COG5: variants seen among roughly 807,000 people sequenced by gnomAD.
The protein encoded by COG5 is conserved oligomeric Golgi complex subunit 5.
A neutral mutation model predicts 110.4 loss-of-function variants in COG5; 86 were observed. The observed-to-expected ratio is 0.78, with a 90% CI of 0.65 to 0.93. The LOEUF (loss-of-function observed/expected upper bound fraction) is 0.93. Among genes scored for constraint, COG5 ranks in the 40% least tolerant of loss-of-function variants. The probability of loss-of-function intolerance (pLI) is 0.00; values close to 1 mark genes in which losing one functional copy is unlikely to be tolerated. For missense variants in COG5, 1,077 were observed against 987.0 expected (o/e 1.09, Z -1.22); for synonymous variants, 360 against 334.6 (o/e 1.08, Z -0.83).
intron 7 of COG5, among the ~76,000 whole-genome samples, chr7:107,388,389 A>G (rs1790359953): frequency 6.6e-6 from 1 of 152,224 alleles, no homozygotes; most frequent in Non-Finnish European, 1.5e-5. Flanking sequence ...AAAAAATTAA[A>G]ACTGATAATG....
chr7:107,470,167 G>C (rs900944572), intron 6 of COG5: 3 of 152,176 alleles, frequency 2.0e-5, no homozygotes, highest in Non-Finnish European at 4.4e-5. Context: ...CCTTCAGTAT[G>C]TTAAATTACT....
At chr7:107,453,668 T>C (rs1184747950) in intron 6 of COG5, among the ~76,000 whole-genome samples, 1 of 152,184 alleles carries the variant, frequency 6.6e-6, no homozygotes, top group African/African-American at 2.4e-5. Flanking sequence ...TTAACTTATC[T>C]GAAATATCTT....
At chr7:107,211,924 G>A (rs766466198) in intron 19 of COG5, among the ~76,000 whole-genome samples, 5 of 152,150 alleles carry the variant, frequency 3.3e-5, no homozygotes, top group Non-Finnish European at 5.9e-5. Context: ...GATTAGAAGC[G>A]GAGCTGTGGA....
At position 107,229,912 on chromosome 7, in the gene COG5, G is replaced by A. The variant is rs148928194; in HGVS notation, c.2168+703C>T. ...TGTCGCCAGGCTGGGGTGCACTGGCGTGATCTCGGCTCACTGCAACCTCTG... is the reference window on the plus strand; with the variant it reads ...TGTCGCCAGGCTGGGGTGCACTGGCATGATCTCGGCTCACTGCAACCTCTG... On this transcript the variant is annotated intron_variant, in intron 19 of 21. Coordinates refer to ENST00000297135, the MANE Select transcript of COG5 (RefSeq NM_006348.5). Among the ~76,000 whole-genome samples, 421 of 148,302 alleles carry A rather than the reference G, an allele frequency of 2.8e-3. 3 individuals are homozygous for A. The highest frequency in any genetic ancestry group is 9.9e-3 in the African/African-American group (397 of 40,112).
intron 6 of COG5, among the ~76,000 whole-genome samples, chr7:107,485,895 T>C (rs897796854): frequency 2.0e-5 from 3 of 152,042 alleles, no homozygotes; most frequent in Admixed American, 1.3e-4. Context: ...GGAAAAGCTG[T>C]AGAAAACAAA....
At chr7:107,556,020 A>G (rs926474625) in intron 2 of COG5, among the ~76,000 whole-genome samples, 6 of 151,748 alleles carry the variant, frequency 4.0e-5, no homozygotes, top group Non-Finnish European at 8.8e-5. Flanking sequence ...TCTCAAAGAA[A>G]AAAAAAAAAA....
At chr7:107,506,876 A>T (rs1054711624) in intron 6 of COG5, among the ~76,000 whole-genome samples, 2 of 152,210 alleles carry the variant, frequency 1.3e-5, no homozygotes, top group African/African-American at 2.4e-5. Context: ...CATGAAATTC[A>T]GTTGGGAGGT....
At chr7:107,368,988 A>C (rs987973653) in intron 8 of COG5, among the ~76,000 whole-genome samples, 2 of 152,186 alleles carry the variant, frequency 1.3e-5, no homozygotes, top group African/African-American at 4.8e-5. Context: ...TTTAAGAGAC[A>C]GAGTCTTGTT....
rs367726253 is a variant in COG5 at position 107,324,495 on chromosome 7, T to A, written c.1053A>T (p.Thr351=). 1 of 1,605,982 alleles carries A rather than the reference T, an allele frequency of 6.2e-7. No homozygotes were observed. The highest frequency in any genetic ancestry group is 8.5e-7 in the Non-Finnish European group (1 of 1,175,820). Residue 351 remains threonine, a synonymous_variant, in exon 11 of 22, where the codon ACA becomes ACT. Coordinates refer to ENST00000297135, the MANE Select transcript of COG5 (RefSeq NM_006348.5). ...VKDGQPEIFY[T]FWNSVTQALS... is the part of the protein sequence containing the mutation. ...GTGCCTGAGTAACTGAATTCCAAAA[T>A]GTGTAGAAAATTTCCGGTTGTCCAT...
At chr7:107,390,409 T>TG (rs1366717613) in intron 7 of COG5, among the ~76,000 whole-genome samples, 2 of 151,982 alleles carry the variant, frequency 1.3e-5, no homozygotes, top group Non-Finnish European at 2.9e-5. Flanking sequence ...TTGGAATATG[T>TG]GGGGGAGCAA....
intron 10 of COG5, among the ~76,000 whole-genome samples, chr7:107,343,010 G>A (rs1046287289): frequency 1.1e-4 from 16 of 152,164 alleles, no homozygotes; most frequent in Admixed American, 8.5e-4. Flanking sequence ...AATGTGGCAT[G>A]TAAACACCAT....
At chr7:107,210,425 C>CATGTCCAT in intron 21 of COG5, 101 bp downstream of exon 21, 1 of 1,522,052 alleles carries the variant, frequency 6.6e-7, no homozygotes, top group Non-Finnish European at 8.8e-7. Context: ...GGTGCAGTCA[C>CATGTCCAT]ATGTCCATGC....
At chr7:107,238,980 A>G (rs1461361054) in intron 17 of COG5, among the ~76,000 whole-genome samples, 1 of 152,184 alleles carries the variant, frequency 6.6e-6, no homozygotes, top group Non-Finnish European at 1.5e-5. Context: ...GAAGCTTTTT[A>G]GATAAATGTA....
At chr7:107,545,548 G>A (rs1364719877) in intron 5 of COG5, among the ~76,000 whole-genome samples, 1 of 152,132 alleles carries the variant, frequency 6.6e-6, no homozygotes, top group Admixed American at 6.5e-5. Flanking sequence ...GGGAGGCCAA[G>A]GCAGGCAGAT....
chr7:107,458,582 C>T (rs1041069249), intron 6 of COG5, among the ~76,000 whole-genome samples: 34 of 152,316 alleles, frequency 2.2e-4, no homozygotes, highest in Admixed American at 1.6e-3. Context: ...AAGCCAGGTG[C>T]AGTGGCTCAC....
intron 19 of COG5, among the ~76,000 whole-genome samples, chr7:107,229,218 A>T (rs1288114609): frequency 6.6e-6 from 1 of 152,174 alleles, no homozygotes; most frequent in Non-Finnish European, 1.5e-5. Flanking sequence ...TGGGAGGCCG[A>T]GGCAGGCAGA....
In COG5 at chr7:107,210,493, C is replaced by A. The variant is rs73415411; in HGVS notation, c.2375+33G>T. The A allele has an allele frequency of 6.7e-3, 10,596 of 1,571,898 alleles. 519 individuals are homozygous for A. The African/African-American group carries it at 0.12, about 17-fold the overall frequency. On this transcript the variant is annotated intron_variant, in intron 21 of 21. Coordinates refer to ENST00000297135, the MANE Select transcript of COG5 (RefSeq NM_006348.5). ...TCCCCACCCTCCTTGGGCTTCCAGA[C>A]CAGATGGGTGCCCCCAGAGCACCTG...
intron 7 of COG5, among the ~76,000 whole-genome samples, chr7:107,383,383 G>A (rs1366549273): frequency 2.6e-5 from 4 of 152,154 alleles, no homozygotes; most frequent in Non-Finnish European, 2.9e-5. Flanking sequence ...GCAGGTGAGC[G>A]TGGCTCATTC....
chr7:107,371,296 A>G (rs895277248), intron 8 of COG5, among the ~76,000 whole-genome samples: 3 of 152,164 alleles, frequency 2.0e-5, no homozygotes, highest in Non-Finnish European at 4.4e-5. Flanking sequence ...TATAGCAAAT[A>G]TAAAAATAAT....
Sources: allele counts gnomAD v4.1 joint callset (sites outside exome capture counted in the v4.1 genomes callset), GRCh38; gene constraint gnomAD v4.1.1; transcripts MANE v1.5; gene names NCBI Gene and HGNC (gene_info 2026-07-23, HGNC 2026-07-21).